PCDHGB5: variants seen among roughly 807,000 people sequenced by gnomAD.
PCDHGB5 encodes protocadherin gamma-B5.
In PCDHGB5, 48 loss-of-function variants were observed where a neutral mutation model predicts 62.9. That is an observed-to-expected ratio of 0.76 (90% CI 0.61 to 0.97). The LOEUF (loss-of-function observed/expected upper bound fraction) is 0.97. PCDHGB5 is among the 50% of genes least tolerant of loss of function. The probability of loss-of-function intolerance (pLI) is 0.00; values close to 1 mark genes in which losing one functional copy is unlikely to be tolerated. For synonymous variants in PCDHGB5, 474 were observed against 511.2 expected (o/e 0.93, Z 0.98); for missense variants, 1,118 against 1,198.6 (o/e 0.93, Z 0.99).
chr5:141,415,161 C>T (rs1391561235), intron 1 of PCDHGB5: 1 of 1,613,864 alleles, frequency 6.2e-7, no homozygotes, highest in Admixed American at 1.7e-5. Context: ...CCGCCACTGT[C>T]ACGCTCACCG....
intron 1 of PCDHGB5, chr5:141,427,834 C>A: frequency 6.5e-7 from 1 of 1,542,566 alleles, no homozygotes; most frequent in Non-Finnish European, 8.9e-7. Flanking sequence ...GCGCAGCGTG[C>A]CTTCGACCAC....
At chr5:141,423,977 G>A in intron 1 of PCDHGB5, 4 of 1,121,548 alleles carry the variant, frequency 3.6e-6, no homozygotes, top group Non-Finnish European at 4.4e-6. Context: ...ATCAGTGTAT[G>A]AGGCTCTCAA....
intron 2 of PCDHGB5, among the ~76,000 whole-genome samples, chr5:141,499,670 C>T (rs1477227784): frequency 6.6e-6 from 1 of 151,412 alleles, no homozygotes; most frequent in African/African-American, 2.4e-5. Flanking sequence ...TCTTGGTCTC[C>T]ACCATCTTTA....
chr5:141,480,065 A>G (rs2099511928), intron 1 of PCDHGB5, among the ~76,000 whole-genome samples: 1 of 152,220 alleles, frequency 6.6e-6, no homozygotes, highest in Non-Finnish European at 1.5e-5. Flanking sequence ...TAAGTGTTTT[A>G]TAAGATTCAT....
intron 1 of PCDHGB5, chr5:141,421,683 A>G (rs1238944281): frequency 1.2e-6 from 2 of 1,613,758 alleles, no homozygotes; most frequent in African/African-American, 1.3e-5. Flanking sequence ...CTGGGGCGCG[A>G]TTTGCTCTTC....
At chr5:141,508,408 C>T (rs938019804) in intron 3 of PCDHGB5, 1 of 152,180 alleles carries the variant, frequency 6.6e-6, no homozygotes, top group Non-Finnish European at 1.5e-5. Context: ...GCTTGAGCCA[C>T]GCAGAGACTT....
At chr5:141,442,006 G>T (rs540427406) in intron 1 of PCDHGB5, 2 of 229,074 alleles carry the variant, frequency 8.7e-6, no homozygotes, top group South Asian at 4.9e-5. Flanking sequence ...CTGACAGCTC[G>T]CACGATGGGC....
At chr5:141,506,668 C>A (rs2099855518) in intron 3 of PCDHGB5, among the ~76,000 whole-genome samples, 1 of 152,100 alleles carries the variant, frequency 6.6e-6, no homozygotes, top group Admixed American at 6.6e-5. Context: ...AGTAAGGGCA[C>A]AATATATTAT....
At chr5:141,418,013 A>G (rs769578436) in intron 1 of PCDHGB5, 45 of 1,613,788 alleles carry the variant, frequency 2.8e-5, no homozygotes, top group African/African-American at 4.0e-5. Flanking sequence ...GAACCTCGCT[A>G]AGGATCTAGG....
chr5:141,508,737 C>A (rs919094477), intron 3 of PCDHGB5, among the ~76,000 whole-genome samples: 8 of 152,010 alleles, frequency 5.3e-5, no homozygotes, highest in Non-Finnish European at 1.2e-4. Flanking sequence ...CTACACCCCC[C>A]ACCCCGCTCT....
At chr5:141,410,295 T>A (rs1043971768) in intron 1 of PCDHGB5, 1 of 1,613,982 alleles carries the variant, frequency 6.2e-7, no homozygotes, top group Admixed American at 1.7e-5. Flanking sequence ...GCCTTGGCCT[T>A]AATCTCAGTG....
intron 1 of PCDHGB5, among the ~76,000 whole-genome samples, chr5:141,445,668 G>C (rs899062385): frequency 6.6e-6 from 1 of 152,156 alleles, no homozygotes; most frequent in Non-Finnish European, 1.5e-5. Flanking sequence ...ATGAGTAGAA[G>C]TTATCTAGGT....
rs778589637 is a variant in PCDHGB5 at position 141,487,133 on chromosome 5, C to T, written c.2398-7674C>T. On this transcript the variant is annotated intron_variant, in intron 1 of 3. Coordinates refer to ENST00000617380, the MANE Select transcript of PCDHGB5 (RefSeq NM_018925.3). The surrounding 1 kb of genome is among the most constrained non-coding windows in gnomAD (Gnocchi z 5.0). ...TGTGGTAAAGGATAGTGGTAGTCCA[C>T]CACTCTCTACCTCTGTTACTCTCTT... 8.7e-6 allele frequency: 14 copies of T among 1,613,932 alleles called. No homozygotes were observed. In the South Asian group the frequency reaches 1.5e-4, roughly 18 times the overall value.
rs2099611311 is a variant in PCDHGB5 at position 141,485,311 on chromosome 5, G to A, written c.2398-9496G>A. 3.1e-6 allele frequency: 5 copies of A among 1,614,174 alleles called. No individual in the cohort carries two copies. The East Asian group carries it at 6.7e-5, about 22-fold the overall frequency. ...AGTCACAGGAAGGGACTTTTGTAGGGAATGTCGCTCAAGATTTCCTGCTGG... is the reference window on the plus strand; with the variant it reads ...AGTCACAGGAAGGGACTTTTGTAGGAAATGTCGCTCAAGATTTCCTGCTGG... On this transcript the variant is annotated intron_variant, in intron 1 of 3. Transcript: ENST00000617380. The surrounding 1 kb of genome is among the most constrained non-coding windows in gnomAD (Gnocchi z 5.7).
At chr5:141,409,135 T>G (rs748247175) in intron 1 of PCDHGB5, 1 of 1,614,026 alleles carries the variant, frequency 6.2e-7, no homozygotes, top group Non-Finnish European at 8.5e-7. Context: ...ATTTTGAAGA[T>G]GTAGAAAGGT....
Position 141,427,920 on chromosome 5 carries a change from C to T in PCDHGB5, c.2397+27396C>T, listed in dbSNP as rs552823212. The T allele has an allele frequency of 3.8e-6, 6 of 1,579,506 alleles. No homozygotes were observed. In the African/African-American group the frequency reaches 4.0e-5, roughly 11 times the overall value. On this transcript the variant is annotated intron_variant, in intron 1 of 3. Transcript: ENST00000617380. The stretch of plus-strand genomic sequence containing the variant: ...GCCCGCGCTCAGCGCCAACATGAGC[C>T]GGCGCATGTTGGTGGGCGACCTCAA...
intron 1 of PCDHGB5, chr5:141,418,575 C>T (rs2154547779): frequency 6.2e-7 from 1 of 1,614,018 alleles, no homozygotes; most frequent in East Asian, 2.2e-5. Context: ...AATGACAACC[C>T]CCCAGTGTTC....
intron 1 of PCDHGB5, 48 bp from the exon 2 acceptor site, chr5:141,494,759 C>CT: frequency 6.2e-7 from 1 of 1,613,886 alleles, no homozygotes; most frequent in Non-Finnish European, 8.5e-7. Flanking sequence ...GGGTGACATT[C>CT]TAACTTCTCA....
At position 141,409,564 on chromosome 5, in the gene PCDHGB5, G is replaced by C. The variant is rs374234556; in HGVS notation, c.2397+9040G>C. ...ACGACAACGCCCCAGTTTTCGACCA[G>C]ACGTCCTACGTGGTCCACGTGGCCG... On this transcript the variant is annotated intron_variant, in intron 1 of 3. Coordinates refer to ENST00000617380, the MANE Select transcript of PCDHGB5 (RefSeq NM_018925.3). The C allele has an allele frequency of 4.0e-5, 64 of 1,613,870 alleles. No individual in the cohort carries two copies. Among genetic ancestry groups the C allele is most frequent in the Non-Finnish European group, 5.2e-5 (61 of 1,179,914 alleles).
Sources: gnomAD v4.1 joint callset for allele counts (sites outside exome capture counted in the v4.1 genomes callset) on GRCh38, gnomAD v4.1.1 for gene constraint, Gnocchi (gnomAD v3.1) non-coding constraint, MANE v1.5 for transcripts, NCBI Gene and HGNC (gene_info 2026-07-23, HGNC 2026-07-21) for gene names.